The following GSE1 variants were observed in gnomAD, a reference collection of about 807,000 sequenced individuals.
The protein encoded by GSE1 is Gse1 coiled-coil protein.
A neutral mutation model predicts 112.6 loss-of-function variants in GSE1; 32 were observed. The observed-to-expected ratio is 0.28, with a 90% CI of 0.21 to 0.38. The LOEUF (loss-of-function observed/expected upper bound fraction) is 0.38. Ranked by LOEUF, GSE1 falls within the 10% of genes least tolerant of loss-of-function variation. The pLI is 1.00. For synonymous variants in GSE1, 1,115 were observed against 735.6 expected (o/e 1.52, Z -8.35); for missense variants, 2,348 against 1,699.2 (o/e 1.38, Z -6.71).
chr16:85,543,351 C>G (rs2044590227), intron 2 of GSE1, among the ~76,000 whole-genome samples: 1 of 152,140 alleles, frequency 6.6e-6, no homozygotes, highest in Non-Finnish European at 1.5e-5. Context: ...AGTCATACTA[C>G]AGTGTGAATG....
At chr16:85,467,754 G>A (rs1330782936) in intron 2 of GSE1, among the ~76,000 whole-genome samples, 4 of 152,218 alleles carry the variant, frequency 2.6e-5, no homozygotes, top group South Asian at 2.1e-4. Context: ...GGGAAGGTAC[G>A]GAGATACCCC....
At chr16:85,219,656 T>C (rs1250940479) in intron 1 of GSE1, among the ~76,000 whole-genome samples, 1 of 152,250 alleles carries the variant, frequency 6.6e-6, no homozygotes, top group Non-Finnish European at 1.5e-5. Flanking sequence ...TGAGTGTTCA[T>C]ATCATGTCCT....
intron 1 of GSE1, among the ~76,000 whole-genome samples, chr16:85,243,896 G>A (rs557262321): frequency 6.6e-6 from 1 of 152,328 alleles, no homozygotes; most frequent in African/African-American, 2.4e-5. Context: ...GGAGGCCGAG[G>A]TGGGCGGATC....
At chr16:85,605,519 A>T (rs1270216480) in intron 1 of GSE1, among the ~76,000 whole-genome samples, 1 of 151,954 alleles carries the variant, frequency 6.6e-6, no homozygotes, top group Non-Finnish European at 1.5e-5. Flanking sequence ...GGCTCTCTCT[A>T]TTGTCTTGTC....
chr16:85,486,641 C>T (rs557737760), intron 2 of GSE1, among the ~76,000 whole-genome samples: 2 of 152,328 alleles, frequency 1.3e-5, no homozygotes, highest in East Asian at 1.9e-4. Context: ...TCCCCAGCCT[C>T]GTCCCACTCC....
Position 85,673,559 on chromosome 16 carries a change from T to C in GSE1, c.*1020T>C, listed in dbSNP as rs1328741200. On this transcript the variant is annotated 3_prime_UTR_variant, in exon 16 of 16. Transcript: ENST00000253458. ...TAAAATATTGAAGTGTTTTTAAAAA[T>C]TAAAGAAGAAGAAAAGTAAAAGAGC... 1 of 152,026 alleles carries C rather than the reference T, an allele frequency of 6.6e-6. No homozygotes were observed. The highest frequency in any genetic ancestry group is 2.4e-5 in the African/African-American group (1 of 41,340). The allele number at this position is 152,026 out of a possible 1,614,324, so 9.4% of individuals were successfully genotyped here.
At position 85,663,325 on chromosome 16, in the gene GSE1, G is replaced by C. The variant is rs2052584130; in HGVS notation, c.2374-19G>C. ...ACTGCCAGTGGCTTCAAACTCATTT[G>C]TTTTCTTTCCCAATCTAGAAGCTAG... On this transcript the variant is annotated intron_variant, in intron 10 of 15. Transcript: ENST00000253458. 6 of 1,612,888 alleles carry C rather than the reference G, an allele frequency of 3.7e-6. No individual in the cohort carries two copies. The highest frequency in any genetic ancestry group is 5.1e-6 in the Non-Finnish European group (6 of 1,179,670).
Position 85,322,615 on chromosome 16 carries a change from T to G in GSE1, c.2284-34848T>G, listed in dbSNP as rs1021788486. Among the ~76,000 whole-genome samples, 7 of 65,592 alleles carry G rather than the reference T, an allele frequency of 1.1e-4. No homozygotes were observed. The South Asian group carries it at 2.4e-3, about 23-fold the overall frequency. 43.0% of individuals were successfully genotyped at this position (65,592 alleles called of 152,430 possible). A position where few individuals can be genotyped will look rare whatever the true frequency, so the allele number is the denominator to read the frequency against. On this transcript the variant is annotated intron_variant, in intron 1 of 2. Transcript: ENST00000637419. ...CAAAGGGCTGTTATCTCCATTTTGC[T>G]TTTTTTTTTTTTTTTTTTAAGACAG...
At position 85,290,228 on chromosome 16, in the gene GSE1, C is replaced by T. The variant is rs546566815; in HGVS notation, c.2284-67235C>T. On this transcript the variant is annotated intron_variant, in intron 1 of 2. Coordinates refer to the GSE1 transcript ENST00000637419. ...GCCTTCCTGCCCCTGGCCAAGGCCC[C>T]GCCCGCACTTCCCTGCACAGGCCTG... Among the ~76,000 whole-genome samples the T allele has an allele frequency of 9.2e-5, 14 of 152,318 alleles. No individual in the cohort carries two copies. In the East Asian group the frequency reaches 9.7e-4, roughly 11 times the overall value.
intron 1 of GSE1, among the ~76,000 whole-genome samples, chr16:85,284,472 C>T (rs774362430): frequency 6.6e-6 from 1 of 152,204 alleles, no homozygotes; most frequent in Non-Finnish European, 1.5e-5. Flanking sequence ...ACCTGAGCTC[C>T]AAGCGGCACA....
intron 1 of GSE1, among the ~76,000 whole-genome samples, chr16:85,345,041 C>T (rs935766694): frequency 6.6e-6 from 1 of 152,224 alleles, no homozygotes; most frequent in African/African-American, 2.4e-5. Flanking sequence ...AAGAAACTTC[C>T]TTGTGTTTAG....
chr16:85,259,083 C>T (rs894495173), intron 1 of GSE1, among the ~76,000 whole-genome samples: 67 of 152,290 alleles, frequency 4.4e-4, no homozygotes, highest in African/African-American at 1.5e-3. Flanking sequence ...TGACCTCTGC[C>T]CGGGCAGGAT....
chr16:85,364,331 C>A (rs545379005), intron 2 of GSE1, among the ~76,000 whole-genome samples: 1 of 152,188 alleles, frequency 6.6e-6, no homozygotes, highest in African/African-American at 2.4e-5. Context: ...TGCACCAGGC[C>A]CACGTGGCTA....
At chr16:85,661,786 C>G in intron 9 of GSE1, 21 bp downstream of exon 9, 5 of 1,484,696 alleles carry the variant, frequency 3.4e-6, no homozygotes, top group South Asian at 2.7e-5. Context: ...CCGCGGGCCC[C>G]GAGCTGCTCA....
intron 1 of GSE1, among the ~76,000 whole-genome samples, chr16:85,556,842 C>G (rs1368338257): frequency 6.6e-6 from 1 of 151,548 alleles, no homozygotes; most frequent in Non-Finnish European, 1.5e-5. Context: ...GCCGGCCCCC[C>G]CGCCGCCCCC....
chr16:85,586,341 C>T (rs1017441444), intron 1 of GSE1, among the ~76,000 whole-genome samples: 2 of 152,230 alleles, frequency 1.3e-5, no homozygotes, highest in South Asian at 2.1e-4. Flanking sequence ...CCTCGGACGG[C>T]GGAGCCCTGG....
At chr16:85,236,911 T>G (rs1488020123) in intron 1 of GSE1, among the ~76,000 whole-genome samples, 1 of 152,188 alleles carries the variant, frequency 6.6e-6, no homozygotes. Flanking sequence ...CACCTGCCCT[T>G]GCAGAACTCC....
chr16:85,208,841 G>A (rs1169924735), intron 1 of GSE1, among the ~76,000 whole-genome samples: 5 of 107,356 alleles, frequency 4.7e-5, no homozygotes, highest in African/African-American at 1.3e-4. Flanking sequence ...CTGTGTTGGC[G>A]TTCGCCTGTG....
intron 1 of GSE1, among the ~76,000 whole-genome samples, chr16:85,326,017 G>C (rs1163567642): frequency 1.3e-5 from 2 of 152,208 alleles, no homozygotes; most frequent in African/African-American, 4.8e-5. Context: ...AAAGTGCTGG[G>C]ATTACAGGTG....
Sources: gnomAD v4.1 joint callset for allele counts (sites outside exome capture counted in the v4.1 genomes callset) on GRCh38, gnomAD v4.1.1 for gene constraint, MANE v1.5 for transcripts, NCBI Gene and HGNC (gene_info 2026-07-23, HGNC 2026-07-21) for gene names.